The following RAPGEF2 variants were observed in gnomAD, a reference collection of about 807,000 sequenced individuals.
The protein encoded by RAPGEF2 is PDZ domain containing guanine nucleotide exchange factor (GEF) 1.
A neutral mutation model predicts 186.7 loss-of-function variants in RAPGEF2; 54 were observed. That is an observed-to-expected ratio of 0.29 (90% confidence interval 0.23 to 0.36). The LOEUF (loss-of-function observed/expected upper bound fraction) is 0.36, where lower values mean the gene tolerates loss of function less well. Among genes scored for constraint, RAPGEF2 ranks in the 10% least tolerant of loss-of-function variants. The pLI is 1.00. For missense variants in RAPGEF2, 1,532 were observed against 2,045.0 expected (o/e 0.75, Z 4.84); for synonymous variants, 712 against 705.9 (o/e 1.01, Z -0.14).
At chr4:159,304,555 A>G in intron 8 of RAPGEF2, 82 bp downstream of exon 8, 12 of 1,304,150 alleles carry the variant, frequency 9.2e-6, no homozygotes, top group Non-Finnish European at 1.3e-5. Flanking sequence ...TAGAATCTAT[A>G]AAATAAATAT....
At chr4:159,210,780 G>T (rs541308307) in intron 4 of RAPGEF2, among the ~76,000 whole-genome samples, 197 bp downstream of exon 4, 1 of 152,284 alleles carries the variant, frequency 6.6e-6, no homozygotes, top group Non-Finnish European at 1.5e-5. Context: ...TTAACAAAGG[G>T]CAAGAACAGA....
In RAPGEF2 at chr4:159,241,183, TG is replaced by T. The variant is rs1753944690; in HGVS notation, c.358-12del. On this transcript the variant is annotated splice_polypyrimidine_tract_variant and intron_variant, in intron 5 of 29. Transcript: ENST00000691494. Reference sequence around the variant, plus strand: ...TGTTGTGTTTGGAGAAATGAAATTTTGGGGGGTTTTATTTCAGGTGGACTAT... The same window carrying T: ...TGTTGTGTTTGGAGAAATGAAATTTTGGGGGTTTTATTTCAGGTGGACTAT... The T allele has an allele frequency of 2.7e-6, 4 of 1,478,770 alleles. No homozygotes were observed. Among genetic ancestry groups the T allele is most frequent in the South Asian group, 2.7e-5 (2 of 75,352 alleles). 91.6% of individuals were successfully genotyped at this position (1,478,770 alleles called of 1,614,324 possible).
At chr4:159,196,149 A>C (rs1263735288) in intron 3 of RAPGEF2, among the ~76,000 whole-genome samples, 1 of 152,192 alleles carries the variant, frequency 6.6e-6, no homozygotes, top group African/African-American at 2.4e-5. Context: ...TCACATAATC[A>C]GATTTCTAGC....
chr4:159,114,059 C>T (rs1738781437), intron 1 of RAPGEF2, among the ~76,000 whole-genome samples: 1 of 151,728 alleles, frequency 6.6e-6, no homozygotes, highest in African/African-American at 2.4e-5. Context: ...GCTCAAGGAT[C>T]CTCGCACCTT....
At chr4:159,208,666 T>C (rs1750203522) in intron 3 of RAPGEF2, among the ~76,000 whole-genome samples, 1 of 152,232 alleles carries the variant, frequency 6.6e-6, no homozygotes, top group African/African-American at 2.4e-5. Flanking sequence ...GTTATGCCAT[T>C]GCTATGTTTA....
rs1054130026 is a variant in RAPGEF2, at chr4:159,359,501, A to C, written c.*1362A>C. 1 of 152,186 alleles carries C rather than the reference A, an allele frequency of 6.6e-6. No individual in the cohort carries two copies. Among genetic ancestry groups the C allele is most frequent in the Non-Finnish European group, 1.5e-5 (1 of 68,032 alleles). The allele number at this position is 152,186 out of a possible 1,614,324, so 9.4% of individuals were successfully genotyped here. On this transcript the variant is annotated 3_prime_UTR_variant, in exon 30 of 30. Coordinates refer to ENST00000691494, the MANE Select transcript of RAPGEF2 (RefSeq NM_001394067.2). ...CCACTCTATTTTTGTGTTGTTTTGC[A>C]CAGACTCCGGAAAAGTGAAGGCTGC...
At chr4:159,223,710 G>C (rs66738977) in intron 4 of RAPGEF2, among the ~76,000 whole-genome samples, 38,626 of 151,988 alleles carry the variant, frequency 0.25, 5,510 homozygotes, top group African/African-American at 0.38. Flanking sequence ...ATATATGTTT[G>C]CCTCTCTTCT....
At chr4:159,167,560 C>T (rs761024299) in intron 1 of RAPGEF2, among the ~76,000 whole-genome samples, 3 of 152,162 alleles carry the variant, frequency 2.0e-5, no homozygotes, top group Non-Finnish European at 2.9e-5. Context: ...GGTGCCTTCC[C>T]GAAGTTTCAT....
intron 9 of RAPGEF2, among the ~76,000 whole-genome samples, chr4:159,315,143 G>A (rs909003983): frequency 6.6e-6 from 1 of 152,018 alleles, no homozygotes; most frequent in Non-Finnish European, 1.5e-5. Flanking sequence ...TAAACATAAA[G>A]GCAGTTGGTA....
chr4:159,358,028 T>G, intron 29 of RAPGEF2, 86 bp from the exon 30 acceptor site: 2 of 1,309,106 alleles, frequency 1.5e-6, no homozygotes, highest in Non-Finnish European at 1.1e-6. Context: ...TAGTTTTATT[T>G]AGCACATCAG....
At chr4:159,310,593 A>G (rs1453346968) in intron 8 of RAPGEF2, among the ~76,000 whole-genome samples, 1 of 152,116 alleles carries the variant, frequency 6.6e-6, no homozygotes, top group African/African-American at 2.4e-5. Flanking sequence ...CTTTTGATTT[A>G]AATAGTGGAG....
At chr4:159,295,816 TTA>T (rs1244073959) in intron 7 of RAPGEF2, among the ~76,000 whole-genome samples, 2 of 150,146 alleles carry the variant, frequency 1.3e-5, no homozygotes, top group African/African-American at 4.9e-5. Flanking sequence ...GTTGGGGAAA[TTA>T]TATAAAAGAC....
chr4:159,160,295 G>A (rs1210245070), intron 1 of RAPGEF2, among the ~76,000 whole-genome samples: 1 of 152,138 alleles, frequency 6.6e-6, no homozygotes, highest in Non-Finnish European at 1.5e-5. Context: ...CAGGCACTGT[G>A]CTTTATATTT....
intron 2 of RAPGEF2, 35 bp from the exon 3 acceptor site, chr4:159,193,165 C>T (rs780087633): frequency 2.2e-6 from 3 of 1,342,984 alleles, no homozygotes; most frequent in South Asian, 1.7e-5. Flanking sequence ...TTTTTAGTGA[C>T]AGATGTTGAA....
At chr4:159,210,606 T>C (rs1750425128) in intron 4 of RAPGEF2, 23 bp downstream of exon 4, 2 of 1,456,660 alleles carry the variant, frequency 1.4e-6, no homozygotes, top group East Asian at 2.5e-5. Flanking sequence ...CATTCTGTAA[T>C]AGATTATCCA....
chr4:159,182,995 C>T (rs1747180220), intron 1 of RAPGEF2, among the ~76,000 whole-genome samples: 3 of 152,138 alleles, frequency 2.0e-5, no homozygotes, highest in South Asian at 2.1e-4. Flanking sequence ...CAATACTACT[C>T]GGATTGGTCT....
chr4:159,135,439 G>A (rs1375661535), intron 1 of RAPGEF2, among the ~76,000 whole-genome samples: 1 of 152,062 alleles, frequency 6.6e-6, no homozygotes, highest in Admixed American at 6.5e-5. Flanking sequence ...CATTTGGATT[G>A]TTTCTACCTT....
At chr4:159,304,314 AT>A in intron 7 of RAPGEF2, 27 bp from the exon 8 acceptor site, 1 of 1,563,422 alleles carries the variant, frequency 6.4e-7, no homozygotes, top group Non-Finnish European at 8.7e-7. Context: ...TCAGATTGTA[AT>A]CCTAGTTTTT....
chr4:159,221,146 A>G (rs1751503893), intron 4 of RAPGEF2, among the ~76,000 whole-genome samples: 1 of 152,218 alleles, frequency 6.6e-6, no homozygotes, highest in South Asian at 2.1e-4. Flanking sequence ...TTTTGGTTGC[A>G]AAAACCAATT....
Sources: allele counts gnomAD v4.1 joint callset (sites outside exome capture counted in the v4.1 genomes callset), GRCh38; gene constraint gnomAD v4.1.1; transcripts MANE v1.5; gene names NCBI Gene and HGNC (gene_info 2026-07-23, HGNC 2026-07-21).